PTPRD: variants seen among roughly 807,000 people sequenced by gnomAD.
PTPRD encodes receptor-type tyrosine-protein phosphatase delta.
PTPRD carries 34 observed loss-of-function variants against 214.5 expected under a neutral mutation model. The ratio of observed to expected loss-of-function variants is 0.16; its 90% CI spans 0.12 to 0.21. PTPRD has a LOEUF of 0.21. Ranked by LOEUF, PTPRD falls within the 10% of genes least tolerant of loss-of-function variation. PTPRD has a pLI of 1.00. For synonymous variants in PTPRD, 1,128 were observed against 845.7 expected (o/e 1.33, Z -5.79); for missense variants, 2,545 against 2,398.7 (o/e 1.06, Z -1.27).
chr9:9,075,526 A>C (rs533985407), intron 10 of PTPRD, among the ~76,000 whole-genome samples: 8 of 152,166 alleles, frequency 5.3e-5, no homozygotes, highest in African/African-American at 1.9e-4. Flanking sequence ...CTCGTCATTT[A>C]CATTAGATAT....
Position 9,801,386 on chromosome 9 carries a change from G to A in PTPRD, c.-367-34535C>T, listed in dbSNP as rs192269246. Among the ~76,000 whole-genome samples, 6 of 151,944 alleles carry A rather than the reference G, an allele frequency of 3.9e-5. No individual in the cohort carries two copies. In the East Asian group the frequency reaches 1.2e-3, roughly 29 times the overall value. Reference sequence around the variant, plus strand: ...TATAAAACAGGAATGGAAATGCTCTGCACCTAAACTCCAATGGGATTTTCC... The same window carrying A: ...TATAAAACAGGAATGGAAATGCTCTACACCTAAACTCCAATGGGATTTTCC... On this transcript the variant is annotated intron_variant, in intron 5 of 45. Coordinates refer to ENST00000381196, the MANE Select transcript of PTPRD (RefSeq NM_002839.4).
At chr9:8,662,044 G>C (rs1282086971) in intron 12 of PTPRD, among the ~76,000 whole-genome samples, 1 of 152,128 alleles carries the variant, frequency 6.6e-6, no homozygotes, top group African/African-American at 2.4e-5. Flanking sequence ...AGCCTCCTGA[G>C]TGGCTGGGAC....
intron 4 of PTPRD, among the ~76,000 whole-genome samples, chr9:9,956,469 C>T (rs1411709136): frequency 6.6e-6 from 1 of 151,950 alleles, no homozygotes; most frequent in African/African-American, 2.4e-5. Context: ...TAATATGTGC[C>T]TGTGGGTTTG....
At chr9:9,596,095 T>A (rs1592550175) in intron 7 of PTPRD, among the ~76,000 whole-genome samples, 1 of 152,026 alleles carries the variant, frequency 6.6e-6, no homozygotes, top group African/African-American at 2.4e-5. Context: ...GATATAACCA[T>A]AGTACCCATA....
chr9:9,486,435 G>A (rs1014650622), intron 8 of PTPRD, among the ~76,000 whole-genome samples: 3 of 151,938 alleles, frequency 2.0e-5, no homozygotes, highest in Non-Finnish European at 2.9e-5. Flanking sequence ...CAGATTTCCA[G>A]CATTATTTGA....
intron 5 of PTPRD, among the ~76,000 whole-genome samples, chr9:9,806,126 A>G (rs1402974275): frequency 6.6e-6 from 1 of 152,162 alleles, no homozygotes; most frequent in African/African-American, 2.4e-5. Flanking sequence ...GGTCTTATTT[A>G]AAGGTTGCTG....
At chr9:9,569,368 A>T (rs1412521795) in intron 8 of PTPRD, among the ~76,000 whole-genome samples, 1 of 151,780 alleles carries the variant, frequency 6.6e-6, no homozygotes, top group African/African-American at 2.4e-5. Context: ...TTAAAAAGTC[A>T]GTCACCAAAG....
chr9:9,812,806 G>A (rs1188492329), intron 5 of PTPRD, among the ~76,000 whole-genome samples: 2 of 152,078 alleles, frequency 1.3e-5, no homozygotes, highest in Non-Finnish European at 2.9e-5. Flanking sequence ...TGCAGAAAAT[G>A]CCATTTAAGA....
intron 9 of PTPRD, among the ~76,000 whole-genome samples, chr9:9,254,503 T>C (rs2099976876): frequency 6.6e-6 from 1 of 152,120 alleles, no homozygotes; most frequent in Non-Finnish European, 1.5e-5. Context: ...TAGTTATATA[T>C]GATTTTTAAC....
intron 7 of PTPRD, among the ~76,000 whole-genome samples, chr9:9,606,142 A>G (rs955928585): frequency 3.3e-5 from 5 of 152,098 alleles, no homozygotes; most frequent in African/African-American, 1.2e-4. Context: ...ATTTGCTTGT[A>G]GATAACCATA....
Position 8,945,305 on chromosome 9 carries a change from A to C in PTPRD, c.-104+73392T>G, listed in dbSNP as rs568913670. On this transcript the variant is annotated intron_variant, in intron 11 of 45. Transcript: ENST00000381196. The stretch of plus-strand genomic sequence containing the variant: ...ATTATTAATAGGTTTCTTTATTTAG[A>C]ATAAAATATATATTTGGAAAAAAAT... 6.0e-5 allele frequency among the ~76,000 whole-genome samples: 9 copies of C among 150,578 alleles called. No homozygotes were observed. The South Asian group carries it at 1.9e-3, about 32-fold the overall frequency.
intron 2 of PTPRD, among the ~76,000 whole-genome samples, chr9:10,353,022 A>T (rs1379764260): frequency 6.6e-6 from 1 of 152,008 alleles, no homozygotes; most frequent in African/African-American, 2.4e-5. Context: ...TATGTGAGGC[A>T]AGGTATATAT....
At chr9:9,231,566 T>G (rs10977596) in intron 9 of PTPRD, among the ~76,000 whole-genome samples, 21,978 of 152,066 alleles carry the variant, frequency 0.14, 1,644 homozygotes, top group Non-Finnish European at 0.15. Context: ...ACTACCTAAT[T>G]TTCCAACAAA....
At chr9:8,870,548 G>A (rs1347967360) in intron 11 of PTPRD, among the ~76,000 whole-genome samples, 1 of 152,054 alleles carries the variant, frequency 6.6e-6, no homozygotes, top group Non-Finnish European at 1.5e-5. Flanking sequence ...CCTTAGTAAT[G>A]CCCTCGTGTG....
rs149026609 is a variant in PTPRD, at chr9:8,693,313, C to T, written c.64+40467G>A. Among the ~76,000 whole-genome samples the T allele has an allele frequency of 9.9e-5, 15 of 152,262 alleles. 1 individual carries two copies. The highest frequency in any genetic ancestry group is 3.4e-3 in the Middle Eastern group (1 of 294). ...TCTCCTATGGACTTGAAAGAAACTC[C>T]CACACGGGATCATTCACTTTCCTCT... On this transcript the variant is annotated intron_variant, in intron 12 of 45. Transcript: ENST00000381196.
intron 11 of PTPRD, among the ~76,000 whole-genome samples, chr9:8,836,163 A>G (rs1320382382): frequency 6.6e-6 from 1 of 152,200 alleles, no homozygotes; most frequent in East Asian, 1.9e-4. Context: ...AGAGGTGGCT[A>G]AATTGGAAAA....
intron 10 of PTPRD, among the ~76,000 whole-genome samples, chr9:9,091,438 C>A (rs1010039389): frequency 4.6e-5 from 7 of 152,258 alleles, no homozygotes; most frequent in African/African-American, 1.7e-4. Context: ...CCTTGTTAGT[C>A]TTGCAGATTG....
At chr9:10,050,863 T>C (rs1292110252) in intron 3 of PTPRD, among the ~76,000 whole-genome samples, 3 of 152,094 alleles carry the variant, frequency 2.0e-5, no homozygotes, top group Non-Finnish European at 4.4e-5. Flanking sequence ...ATTAATTCTC[T>C]ATCTAACTAT....
At chr9:9,052,847 G>C (rs1297684796) in intron 10 of PTPRD, among the ~76,000 whole-genome samples, 2 of 152,052 alleles carry the variant, frequency 1.3e-5, no homozygotes, top group Non-Finnish European at 2.9e-5. Flanking sequence ...AAATCTTCTA[G>C]GCAGAATAAA....
Sources: gnomAD v4.1 joint callset for allele counts (sites outside exome capture counted in the v4.1 genomes callset) on GRCh38, gnomAD v4.1.1 for gene constraint, MANE v1.5 for transcripts, NCBI Gene and HGNC (gene_info 2026-07-23, HGNC 2026-07-21) for gene names.